The following KCNK10 variants were observed in gnomAD, a reference collection of about 807,000 sequenced individuals.
KCNK10 encodes the protein potassium channel subfamily K member 10.
Under a neutral mutation model 47.7 loss-of-function variants are expected in KCNK10, and 25 were observed. The ratio of observed to expected loss-of-function variants is 0.52; its 90% CI spans 0.38 to 0.73. KCNK10 has a LOEUF of 0.73. Among genes scored for constraint, KCNK10 ranks in the 30% least tolerant of loss-of-function variants. The pLI is 0.00. For missense variants in KCNK10, 563 were observed against 714.5 expected (o/e 0.79, Z 2.42); for synonymous variants, 303 against 285.6 (o/e 1.06, Z -0.61).
At chr14:88,291,736 G>A (rs753016415) in intron 1 of KCNK10, among the ~76,000 whole-genome samples, 4 of 152,158 alleles carry the variant, frequency 2.6e-5, no homozygotes, top group Non-Finnish European at 4.4e-5. Flanking sequence ...GACGGCCCTG[G>A]GAAAATCAGA....
At chr14:88,298,802 C>A (rs923831978) in intron 1 of KCNK10, among the ~76,000 whole-genome samples, 1 of 152,202 alleles carries the variant, frequency 6.6e-6, no homozygotes, top group Non-Finnish European at 1.5e-5. Flanking sequence ...CATGTTCAAC[C>A]TAGCATGTAA....
intron 4 of KCNK10, among the ~76,000 whole-genome samples, chr14:88,226,145 C>T (rs1377804767): frequency 6.6e-6 from 1 of 152,206 alleles, no homozygotes; most frequent in African/African-American, 2.4e-5. Flanking sequence ...TTCATTTAAT[C>T]ATCACCAAAA....
chr14:88,293,835 T>G (rs1169425812), intron 1 of KCNK10, among the ~76,000 whole-genome samples: 1 of 151,772 alleles, frequency 6.6e-6, no homozygotes, highest in African/African-American at 2.4e-5. Flanking sequence ...ACCACCACAC[T>G]TGGCTAATTT....
At position 88,185,699 on chromosome 14, in the gene KCNK10, TCTC is replaced by T. The variant is rs752758054; in HGVS notation, c.1465_1467del (p.Glu489del). ...ATCTTTTCCGTCTCCTCCTCTTTCTTCTCCTCGTCCAGGGAGTAATTCCGGAAG... is the reference window on the plus strand; with the variant it reads ...ATCTTTTCCGTCTCCTCCTCTTTCTTCTCGTCCAGGGAGTAATTCCGGAAG... On this transcript the variant is annotated inframe_deletion, in exon 7 of 7. Coordinates refer to ENST00000319231, the MANE Select transcript of KCNK10 (RefSeq NM_138317.3). The surrounding 1 kb of genome is among the most constrained non-coding windows in gnomAD (Gnocchi z 4.3). 7.4e-6 allele frequency: 12 copies of T among 1,614,140 alleles called. No individual in the cohort carries two copies. The South Asian group carries it at 1.2e-4, about 16-fold the overall frequency.
chr14:88,204,562 C>T (rs1204351443), intron 4 of KCNK10, among the ~76,000 whole-genome samples: 1 of 150,576 alleles, frequency 6.6e-6, no homozygotes, highest in Non-Finnish European at 1.5e-5. Flanking sequence ...GTCAGGGACC[C>T]CACCCCCCGC....
At chr14:88,189,229 C>T (rs1032465370) in intron 5 of KCNK10, among the ~76,000 whole-genome samples, 1 of 152,186 alleles carries the variant, frequency 6.6e-6, no homozygotes, top group Admixed American at 6.5e-5. Flanking sequence ...AGCAACACAG[C>T]GCAGCAGACC....
chr14:88,299,401 C>T (rs7147909), intron 1 of KCNK10, among the ~76,000 whole-genome samples: 90,768 of 152,004 alleles, frequency 0.6, 27,638 homozygotes, highest in East Asian at 0.7. Context: ...CTCTGCTTTG[C>T]TCCAAATCTA....
upstream of KCNK10, among the ~76,000 whole-genome samples, chr14:88,325,732 G>A (rs1888646676): frequency 6.6e-6 from 1 of 152,098 alleles, no homozygotes; most frequent in Admixed American, 6.5e-5. Flanking sequence ...TGTGTTCTGG[G>A]GTCTGCATTG....
At chr14:88,241,413 C>T (rs898589121) in intron 2 of KCNK10, among the ~76,000 whole-genome samples, 1 of 152,164 alleles carries the variant, frequency 6.6e-6, no homozygotes, top group East Asian at 1.9e-4. Context: ...GTCCAAGTAA[C>T]ACCCTTAGCC....
At chr14:88,240,180 T>C (rs140588889) in intron 3 of KCNK10, among the ~76,000 whole-genome samples, 2 of 152,090 alleles carry the variant, frequency 1.3e-5, no homozygotes, top group African/African-American at 4.8e-5. Flanking sequence ...TCTTCCACAA[T>C]GGAAAGTCAA....
intron 1 of KCNK10, among the ~76,000 whole-genome samples, chr14:88,272,238 C>T (rs1887423375): frequency 6.6e-6 from 1 of 152,174 alleles, no homozygotes; most frequent in Non-Finnish European, 1.5e-5. Flanking sequence ...AGTCCTCAAT[C>T]AACGTGAGCT....
chr14:88,230,664 C>A (rs192046100), intron 3 of KCNK10, among the ~76,000 whole-genome samples: 17 of 152,158 alleles, frequency 1.1e-4, no homozygotes, highest in Non-Finnish European at 1.5e-4. Flanking sequence ...ACAGGGCCCA[C>A]GCTTAGATGG....
chr14:88,308,668 T>C (rs1888252702), intron 1 of KCNK10, among the ~76,000 whole-genome samples: 2 of 152,246 alleles, frequency 1.3e-5, no homozygotes, highest in Admixed American at 6.5e-5. Context: ...TGGAGATTAA[T>C]TTACATGCCA....
rs368227422 is a variant in KCNK10, at chr14:88,302,241, T to C, written c.52+20506A>G. The stretch of plus-strand genomic sequence containing the variant: ...TGACAAACTCTTGAGAGAAGCAAGT[T>C]TAGGATATACTCGGCATATAGATGA... On this transcript the variant is annotated intron_variant, in intron 1 of 6. Transcript: ENST00000319231. 5.3e-5 allele frequency among the ~76,000 whole-genome samples: 8 copies of C among 152,100 alleles called. No homozygotes were observed. The East Asian group carries it at 1.2e-3, about 22-fold the overall frequency.
intron 2 of KCNK10, among the ~76,000 whole-genome samples, chr14:88,241,177 C>T (rs2139890512): frequency 6.6e-6 from 1 of 152,298 alleles, no homozygotes; most frequent in African/African-American, 2.4e-5. Flanking sequence ...TGGGCATTTC[C>T]GCAAGGCAGG....
intron 4 of KCNK10, among the ~76,000 whole-genome samples, chr14:88,212,434 C>T (rs757641251): frequency 1.3e-5 from 2 of 151,550 alleles, no homozygotes; most frequent in African/African-American, 4.8e-5. Flanking sequence ...GAGCAAAACT[C>T]CATCTCAAAA....
chr14:88,262,608 C>T (rs987301630), intron 2 of KCNK10, among the ~76,000 whole-genome samples: 1 of 152,152 alleles, frequency 6.6e-6, no homozygotes, highest in African/African-American at 2.4e-5. Flanking sequence ...CCTTAATATC[C>T]AGGGTATGTA....
chr14:88,210,829 GAA>G (rs71126970), intron 4 of KCNK10, among the ~76,000 whole-genome samples: 55 of 138,628 alleles, frequency 4.0e-4, no homozygotes, highest in East Asian at 3.9e-3. Context: ...AAAGTTAAAG[GAA>G]AAAAAAAAAA....
At chr14:88,229,787 T>G (rs1566694067) in intron 3 of KCNK10, among the ~76,000 whole-genome samples, 1 of 152,128 alleles carries the variant, frequency 6.6e-6, no homozygotes, top group Admixed American at 6.5e-5. Flanking sequence ...CTGGGAAAAT[T>G]CCAGCACTTA....
Sources: gnomAD v4.1 joint callset for allele counts (sites outside exome capture counted in the v4.1 genomes callset) on GRCh38, gnomAD v4.1.1 for gene constraint, Gnocchi (gnomAD v3.1) non-coding constraint, MANE v1.5 for transcripts, NCBI Gene and HGNC (gene_info 2026-07-23, HGNC 2026-07-21) for gene names.